Variants in INPP4B observed in about 807,000 individuals in gnomAD.
The protein encoded by INPP4B is inositol polyphosphate-4-phosphatase type II B, also known as inositol polyphosphate 4-phosphatase type II.
In INPP4B, 55 loss-of-function variants were observed where a neutral mutation model predicts 122.5. The ratio of observed to expected loss-of-function variants is 0.45; its 90% confidence interval spans 0.36 to 0.56. The LOEUF is 0.56. Ranked by LOEUF, INPP4B falls within the 20% of genes least tolerant of loss-of-function variation. The pLI is 0.00. For missense variants in INPP4B, 1,000 were observed against 1,097.7 expected (o/e 0.91, Z 1.26); for synonymous variants, 403 against 388.7 (o/e 1.04, Z -0.43).
At chr4:142,080,727 CAGA>C (rs774734778) in intron 25 of INPP4B, among the ~76,000 whole-genome samples, 1 of 152,082 alleles carries the variant, frequency 6.6e-6, no homozygotes, top group Non-Finnish European at 1.5e-5. Flanking sequence ...TTTCATCTTC[CAGA>C]AGATTTGTTA....
chr4:142,828,895 A>G (rs1373049900), intron 1 of INPP4B, among the ~76,000 whole-genome samples: 4 of 152,104 alleles, frequency 2.6e-5, no homozygotes, highest in Non-Finnish European at 5.9e-5. Context: ...GTTGACTTGG[A>G]TCCACTCTTC....
At chr4:142,670,696 CAGTT>C (rs907530528) in intron 2 of INPP4B, among the ~76,000 whole-genome samples, 4 of 151,994 alleles carry the variant, frequency 2.6e-5, no homozygotes, top group African/African-American at 9.7e-5. Flanking sequence ...TACAAAATTT[CAGTT>C]AGATAGAAGA....
At chr4:142,170,326 TTTAA>T (rs1824984430) in intron 16 of INPP4B, among the ~76,000 whole-genome samples, 2 of 151,862 alleles carry the variant, frequency 1.3e-5, no homozygotes, top group South Asian at 4.1e-4. Flanking sequence ...TATGATACAA[TTTAA>T]TTGAGTTTGT....
At chr4:142,544,064 A>AC (rs1213044622) in intron 2 of INPP4B, among the ~76,000 whole-genome samples, 1 of 151,162 alleles carries the variant, frequency 6.6e-6, no homozygotes, top group Non-Finnish European at 1.5e-5. Context: ...CACAACTAAA[A>AC]CCTAGTTAGA....
chr4:142,542,945 A>G (rs1829108276), intron 2 of INPP4B, among the ~76,000 whole-genome samples: 1 of 152,166 alleles, frequency 6.6e-6, no homozygotes, highest in Non-Finnish European at 1.5e-5. Flanking sequence ...ATGTAATGGA[A>G]AAAAGGTAGA....
chr4:142,552,472 C>A (rs1049883359), intron 2 of INPP4B, among the ~76,000 whole-genome samples: 2 of 151,686 alleles, frequency 1.3e-5, no homozygotes, highest in African/African-American at 2.4e-5. Flanking sequence ...TTACTGGGAC[C>A]CTGCACTGCC....
chr4:142,655,391 T>A (rs1348299491), intron 2 of INPP4B, among the ~76,000 whole-genome samples: 1 of 152,212 alleles, frequency 6.6e-6, no homozygotes, highest in Non-Finnish European at 1.5e-5. Context: ...TATCATTATT[T>A]CAATGAACCA....
intron 5 of INPP4B, among the ~76,000 whole-genome samples, chr4:142,409,100 G>C (rs542049561): frequency 1.3e-5 from 2 of 152,288 alleles, no homozygotes; most frequent in South Asian, 4.1e-4. Context: ...GTAGCTGTGA[G>C]TGAGATGCCT....
intron 2 of INPP4B, among the ~76,000 whole-genome samples, chr4:142,561,620 C>T (rs966366022): frequency 6.6e-6 from 1 of 152,050 alleles, no homozygotes; most frequent in Non-Finnish European, 1.5e-5. Flanking sequence ...GGGGTTTCAC[C>T]ATATTGGCCA....
rs143080673 is a variant in INPP4B at position 142,213,769 on chromosome 4, T to C, written c.837-4743A>G. On this transcript the variant is annotated intron_variant, in intron 12 of 25. Coordinates refer to ENST00000262992, the MANE Select transcript of INPP4B (RefSeq NM_001101669.3). The stretch of plus-strand genomic sequence containing the variant: ...TTCTCTACATGAAGCGAATACCAAG[T>C]AAACGGTTTGCTGATCTTCCCACTG... 3.9e-5 allele frequency among the ~76,000 whole-genome samples: 6 copies of C among 152,330 alleles called. No homozygotes were observed. In the East Asian group the frequency reaches 9.7e-4, roughly 25 times the overall value.
intron 10 of INPP4B, among the ~76,000 whole-genome samples, chr4:142,269,036 C>T (rs913873121): frequency 1.3e-5 from 2 of 152,050 alleles, no homozygotes; most frequent in African/African-American, 4.8e-5. Flanking sequence ...TTTGTTGAAT[C>T]TCACCCTAAC....
At chr4:142,489,921 A>G (rs557527942) in intron 2 of INPP4B, among the ~76,000 whole-genome samples, 200 of 152,296 alleles carry the variant, frequency 1.3e-3, no homozygotes, top group African/African-American at 4.7e-3. Context: ...TCTGATAGTA[A>G]AATAGCTAAA....
At chr4:142,368,439 C>G (rs190944666) in intron 7 of INPP4B, among the ~76,000 whole-genome samples, 10 of 152,156 alleles carry the variant, frequency 6.6e-5, no homozygotes, top group Non-Finnish European at 2.9e-5. Flanking sequence ...ATAATAATGT[C>G]TTTTTCATCA....
intron 14 of INPP4B, 21 bp from the exon 15 acceptor site, chr4:142,193,216 G>C (rs2149359913): frequency 7.1e-7 from 1 of 1,411,610 alleles, no homozygotes. Flanking sequence ...AACAGACAAG[G>C]AGATGAACAC....
intron 2 of INPP4B, among the ~76,000 whole-genome samples, chr4:142,603,894 C>A (rs1391794726): frequency 8.6e-6 from 1 of 116,172 alleles, no homozygotes; most frequent in Non-Finnish European, 1.8e-5. Context: ...AATACCAAAA[C>A]CAGACAAGAA....
At chr4:142,251,524 T>C (rs1732041636) in intron 11 of INPP4B, among the ~76,000 whole-genome samples, 1 of 152,200 alleles carries the variant, frequency 6.6e-6, no homozygotes, top group Non-Finnish European at 1.5e-5. Flanking sequence ...TATGGTTGAT[T>C]TATTAATAGC....
intron 23 of INPP4B, among the ~76,000 whole-genome samples, chr4:142,097,347 C>A (rs1392464079): frequency 6.6e-6 from 1 of 151,648 alleles, no homozygotes; most frequent in African/African-American, 2.4e-5. Context: ...CTCCCACTTA[C>A]TGGTTCAAGC....
At chr4:142,374,018 G>A (rs1373057047) in intron 7 of INPP4B, among the ~76,000 whole-genome samples, 2 of 151,704 alleles carry the variant, frequency 1.3e-5, no homozygotes, top group Non-Finnish European at 2.9e-5. Flanking sequence ...AAAACAGGTG[G>A]CAAAAAAAAG....
intron 1 of INPP4B, among the ~76,000 whole-genome samples, chr4:142,789,580 AT>A (rs1776245798): frequency 6.6e-6 from 1 of 152,158 alleles, no homozygotes; most frequent in African/African-American, 2.4e-5. Context: ...GCTGAAAGAA[AT>A]CATAGACAAC....
Sources: allele counts gnomAD v4.1 joint callset (sites outside exome capture counted in the v4.1 genomes callset), GRCh38; gene constraint gnomAD v4.1.1; transcripts MANE v1.5; gene names NCBI Gene and HGNC (gene_info 2026-07-23, HGNC 2026-07-21).